EPB41L3: variants seen among roughly 807,000 people sequenced by gnomAD.
The protein encoded by EPB41L3 is band 4.1-like protein 3.
In EPB41L3, 57 loss-of-function variants were observed where a neutral mutation model predicts 127.1. The observed-to-expected ratio is 0.45, with a 90% CI of 0.36 to 0.56. EPB41L3 has a LOEUF of 0.56. Among genes scored for constraint, EPB41L3 ranks in the 20% least tolerant of loss-of-function variants. The pLI is 0.00. For missense variants in EPB41L3, 1,273 were observed against 1,372.2 expected (o/e 0.93, Z 1.14); for synonymous variants, 572 against 549.5 (o/e 1.04, Z -0.57).
At chr18:5,442,404 C>T (rs1182296497) in intron 5 of EPB41L3, among the ~76,000 whole-genome samples, 1 of 152,130 alleles carries the variant, frequency 6.6e-6, no homozygotes, top group African/African-American at 2.4e-5. Context: ...TAAATAATCA[C>T]CCGACTCTCT....
intron 3 of EPB41L3, among the ~76,000 whole-genome samples, chr18:5,458,451 A>T (rs1353797203): frequency 6.6e-6 from 1 of 152,172 alleles, no homozygotes; most frequent in Non-Finnish European, 1.5e-5. Context: ...TCTTGGCTAA[A>T]CTGTATTAGG....
intron 1 of EPB41L3, among the ~76,000 whole-genome samples, chr18:5,526,889 T>C (rs890520908): frequency 3.2e-4 from 49 of 152,028 alleles, no homozygotes; most frequent in African/African-American, 1.2e-3. Flanking sequence ...GGTGCTTAAC[T>C]GAAGAGCTCA....
intron 3 of EPB41L3, among the ~76,000 whole-genome samples, chr18:5,573,780 A>G (rs557115207): frequency 5.0e-4 from 76 of 152,298 alleles, no homozygotes; most frequent in African/African-American, 1.7e-3. Context: ...ATGCTTACAC[A>G]AATAAGAAAA....
intron 1 of EPB41L3, among the ~76,000 whole-genome samples, chr18:5,507,814 C>T (rs1047035197): frequency 2.6e-5 from 4 of 152,148 alleles, no homozygotes; most frequent in African/African-American, 4.8e-5. Context: ...ATATTACCTC[C>T]TCCTTTAGAG....
At chr18:5,474,906 G>A (rs2086870171) in intron 3 of EPB41L3, among the ~76,000 whole-genome samples, 1 of 152,164 alleles carries the variant, frequency 6.6e-6, no homozygotes, top group South Asian at 2.1e-4. Flanking sequence ...CCCAGGCAGT[G>A]CGTACATCAT....
intron 3 of EPB41L3, chr18:5,570,203 C>T (rs2094259226): frequency 6.6e-6 from 1 of 152,048 alleles, no homozygotes; most frequent in African/African-American, 2.4e-5. Flanking sequence ...CTCTGTCACC[C>T]CTCAAATCAA....
At chr18:5,603,403 T>C (rs988816905) in intron 3 of EPB41L3, among the ~76,000 whole-genome samples, 3 of 152,180 alleles carry the variant, frequency 2.0e-5, no homozygotes, top group African/African-American at 7.2e-5. Flanking sequence ...AACGGAAGCA[T>C]GTTCCCGTGT....
intron 1 of EPB41L3, among the ~76,000 whole-genome samples, chr18:5,522,047 G>C (rs897723910): frequency 7.9e-5 from 12 of 151,934 alleles, no homozygotes; most frequent in African/African-American, 2.9e-4. Flanking sequence ...CAAGCAAAAG[G>C]GTTATCTTTA....
chr18:5,619,989 ATAT>A (rs1441710301), intron 1 of EPB41L3, among the ~76,000 whole-genome samples: 2 of 152,178 alleles, frequency 1.3e-5, no homozygotes, highest in Non-Finnish European at 2.9e-5. Context: ...AACAATAACA[ATAT>A]TATTATTAAA....
At chr18:5,424,431 C>T in intron 9 of EPB41L3, 72 bp from the exon 10 acceptor site, 2 of 1,243,400 alleles carry the variant, frequency 1.6e-6, no homozygotes, top group Non-Finnish European at 1.1e-6. Flanking sequence ...AAATAAATTA[C>T]AGAATCATGA....
chr18:5,433,527 T>C lies in EPB41L3; in HGVS notation c.854A>G (p.His285Arg), dbSNP rs1249621070. ...RGMTPAEAEM[H>R]FLENAKKLSM... The stretch of plus-strand genomic sequence containing the variant: ...TAATTTTTTGGCATTTTCCAAGAAA[T>C]GCATCTCTGCTTCTGCTGGCGTCAT... The change falls in exon 8 of 23, where the codon CAT becomes CGT. Residue 285 changes from histidine (H) to arginine (R), a missense_variant. By Grantham distance (29) the His-to-Arg change is conservative. Transcript: ENST00000341928. The C allele has an allele frequency of 1.2e-6, 2 of 1,613,314 alleles. No homozygotes were observed. The highest frequency in any genetic ancestry group is 1.3e-5 in the African/African-American group (1 of 74,926).
In EPB41L3 at chr18:5,416,233, G is replaced by A. The variant is rs1450234553; in HGVS notation, c.1652C>T (p.Pro551Leu). ...ATCAGAGTCCAAGGCGGGCTCTCCA[G>A]GCAGGTGCTCAGCTCTGGACGGCTC... is the stretch of plus-strand genomic sequence containing the variant. ...GYEPSRAEHL[P>L]GEPALDSDGP... The change falls in exon 13 of 23, where the codon CCT (proline) becomes CTT (leucine). Residue 551 changes from proline (P) to leucine (L), a missense_variant. Physicochemically the swap from Pro to Leu is moderately conservative, Grantham distance 98. Around this residue, in one of 3 missense-constraint regions of EPB41L3, gnomAD observed 765 missense variants for 782.9 expected, o/e 0.98. Transcript: ENST00000341928. The A allele has an allele frequency of 1.9e-6, 3 of 1,614,052 alleles. No individual in the cohort carries two copies. Among genetic ancestry groups the A allele is most frequent in the African/African-American group, 2.7e-5 (2 of 74,916 alleles).
At position 5,599,588 on chromosome 18, in the gene EPB41L3, G is replaced by A. The variant is rs146248063; in HGVS notation, c.-306+12752C>T. 8.5e-5 allele frequency among the ~76,000 whole-genome samples: 13 copies of A among 152,242 alleles called. No individual in the cohort carries two copies. The East Asian group carries it at 2.1e-3, about 25-fold the overall frequency. ...ACATCATCCCCTTAGTGCTGTTCTC[G>A]TGATAGTGAATGAGCTCTCACAAGT... On this transcript the variant is annotated intron_variant, in intron 3 of 21. Transcript: ENST00000545076.
chr18:5,397,199 C>T lies in EPB41L3; in HGVS notation c.2700G>A (p.Gly900=), dbSNP rs767907813. ...CCTCCTCCCCTCCTTCCTCTTTAGCCCCCTCCGTCAAGGCAGAGCCCTCTT... is the reference window on the plus strand; with the variant it reads ...CCTCCTCCCCTCCTTCCTCTTTAGCTCCCTCCGTCAAGGCAGAGCCCTCTT... ...KGKEGSALTE[G]AKEEGGEEVA... Residue 900 remains glycine (G), a synonymous_variant, in exon 18 of 23, where the codon GGG becomes GGA. Transcript: ENST00000341928. The surrounding 1 kb of genome is among the most constrained non-coding windows in gnomAD (Gnocchi z 4.1). The T allele has an allele frequency of 1.6e-5, 26 of 1,614,142 alleles. No individual in the cohort carries two copies. The East Asian group carries it at 2.7e-4, about 17-fold the overall frequency.
intron 7 of EPB41L3, among the ~76,000 whole-genome samples, 156 bp downstream of exon 7, chr18:5,433,747 G>T (rs956787167): frequency 1.3e-5 from 2 of 152,166 alleles, no homozygotes; most frequent in Non-Finnish European, 2.9e-5. Flanking sequence ...CTCTGAGTGA[G>T]AGCTTGCCCA....
intron 1 of EPB41L3, among the ~76,000 whole-genome samples, chr18:5,510,754 T>C (rs554684987): frequency 9.8e-5 from 15 of 152,328 alleles, no homozygotes; most frequent in Non-Finnish European, 1.9e-4. Context: ...GCCTAGCACA[T>C]AGTTCGCATA....
chr18:5,444,478 C>T (rs1202671652), intron 4 of EPB41L3, among the ~76,000 whole-genome samples: 1 of 152,208 alleles, frequency 6.6e-6, no homozygotes, highest in Non-Finnish European at 1.5e-5. Context: ...TCTGACTCAG[C>T]TTCCAGTGTC....
intron 1 of EPB41L3, among the ~76,000 whole-genome samples, chr18:5,509,542 G>C (rs1213067280): frequency 6.6e-6 from 1 of 152,196 alleles, no homozygotes; most frequent in Admixed American, 6.5e-5. Context: ...GAGATCAAAA[G>C]GTAAGTCAGC....
intron 3 of EPB41L3, chr18:5,466,167 T>C (rs1219313334): frequency 6.6e-6 from 1 of 152,110 alleles, no homozygotes; most frequent in Middle Eastern, 3.2e-3. Context: ...CTGCAAAAAA[T>C]TAACAATATC....
Sources: allele counts gnomAD v4.1 joint callset (sites outside exome capture counted in the v4.1 genomes callset), GRCh38; gene constraint gnomAD v4.1.1; regional missense constraint gnomAD v4.1.1; non-coding constraint Gnocchi (gnomAD v3.1); transcripts MANE v1.5; gene names NCBI Gene and HGNC (gene_info 2026-07-23, HGNC 2026-07-21).